RNF207: variants seen among roughly 807,000 people sequenced by gnomAD.
The protein encoded by RNF207 is ring finger protein 207.
A neutral mutation model predicts 79.0 loss-of-function variants in RNF207; 72 were observed. The observed-to-expected ratio is 0.91, with a 90% CI of 0.75 to 1.11. The LOEUF (loss-of-function observed/expected upper bound fraction) is 1.11. Among genes scored for constraint, RNF207 ranks in the 50% least tolerant of loss-of-function variants. RNF207 has a pLI of 0.00. For missense variants in RNF207, 936 were observed against 855.8 expected (o/e 1.09, Z -1.17); for synonymous variants, 348 against 366.2 (o/e 0.95, Z 0.57).
chr1:6,219,167 G>C (rs1668462113), intron 17 of RNF207, 69 bp from the exon 18 acceptor site: 1 of 1,436,074 alleles, frequency 7.0e-7, no homozygotes. Context: ...TTTGGCCCAA[G>C]TGGATTTTAG....
chr1:6,209,469 T>C lies in RNF207; in HGVS notation c.683T>C (p.Met228Thr). The part of the protein sequence containing the change: ...TREAIALLQA[M>T]VEEVRHSAAE... ...GAGGCCATCGCGCTGCTGCAGGCCA[T>C]GGTGGAGGAGGTGCGGCACAGCGCC... is the stretch of plus-strand genomic sequence containing the variant. The change falls in exon 7 of 18, where the codon ATG becomes ACG. Residue 228 changes from methionine (M) to threonine (T), a missense_variant. Transcript: ENST00000377939. 1 of 1,505,944 alleles carries C rather than the reference T, an allele frequency of 6.6e-7. No homozygotes were observed. The highest frequency in any genetic ancestry group is 8.8e-7 in the Non-Finnish European group (1 of 1,133,606). 93.3% of individuals were successfully genotyped at this position (1,505,944 alleles called of 1,614,324 possible). A position where few individuals can be genotyped will look rare whatever the true frequency, so the allele number is the denominator to read the frequency against.
Position 6,219,398 on chromosome 1 carries a change from C to A in RNF207, c.1896C>A (p.His632Gln). ...NGGDVPTWRE[H>Q]PT is the part of the protein sequence containing the mutation. The stretch of plus-strand genomic sequence containing the variant: ...GCGATGTCCCCACATGGAGGGAACA[C>A]CCGACTTAGCAAATGGGACCGGTCC... The change falls in exon 18 of 18, where the codon CAC becomes CAA. Residue 632 changes from histidine to glutamine, a missense_variant. His to Gln is a conservative substitution (Grantham distance 24). Transcript: ENST00000377939. 2 of 1,602,552 alleles carry A rather than the reference C, an allele frequency of 1.2e-6. No individual in the cohort carries two copies. The highest frequency in any genetic ancestry group is 4.5e-5 in the East Asian group (2 of 44,736).
chr1:6,209,164 G>A lies in RNF207; in HGVS notation c.519G>A (p.Leu173=), dbSNP rs372482893. The A allele has an allele frequency of 1.1e-3, 1,722 of 1,557,504 alleles. 1 individual carries two copies. Among genetic ancestry groups the A allele is most frequent in the Non-Finnish European group, 1.3e-3 (1,533 of 1,150,138 alleles). The change falls in exon 5 of 18, where the codon CTG becomes CTA. Residue 173 remains leucine, a synonymous_variant. Coordinates refer to ENST00000377939, the MANE Select transcript of RNF207 (RefSeq NM_207396.3). ...YLLFSTDKKL[L]LCIRCFRDMQ... ...TGTTCTCCACCGACAAGAAGTTGCTGTTGTGCATCCGCTGCTTCCGCGACA... is the reference window on the plus strand; with the variant it reads ...TGTTCTCCACCGACAAGAAGTTGCTATTGTGCATCCGCTGCTTCCGCGACA...
chr1:6,213,583 G>A (rs1244293379), intron 16 of RNF207, among the ~76,000 whole-genome samples: 1 of 152,118 alleles, frequency 6.6e-6, no homozygotes, highest in African/African-American at 2.4e-5. Flanking sequence ...GGGCGGACAA[G>A]GTGCCGGACA....
Position 6,206,462 on chromosome 1 carries a change from C to T in RNF207, c.1-74C>T, listed in dbSNP as rs61760805. 1,885 of 1,207,512 alleles carry T rather than the reference C, an allele frequency of 1.6e-3. 4 individuals are homozygous for T. Among genetic ancestry groups the T allele is most frequent in the Non-Finnish European group, 1.9e-3 (1,704 of 888,096 alleles). The allele number at this position is 1,207,512 out of a possible 1,614,324, so 74.8% of individuals were successfully genotyped here. On this transcript the variant is annotated intron_variant, in intron 1 of 17. Transcript: ENST00000377939. ...GCGCGATAGGGAGGGCGCGGGCGCC[C>T]GGGCAGAGGGGCCGCGGGAGCTCAA... is the stretch of plus-strand genomic sequence containing the variant.
chr1:6,219,058 T>C (rs2092412), intron 17 of RNF207, among the ~76,000 whole-genome samples, 178 bp from the exon 18 acceptor site: 17,108 of 152,134 alleles, frequency 0.11, 2,203 homozygotes, highest in African/African-American at 0.32. Flanking sequence ...CCCCTGGGGA[T>C]GGGCTCCTAC....
chr1:6,211,054 T>C lies in RNF207; in HGVS notation c.1045T>C (p.Cys349Arg). 1 of 1,605,076 alleles carries C rather than the reference T, an allele frequency of 6.2e-7. No homozygotes were observed. The highest frequency in any genetic ancestry group is 1.1e-5 in the South Asian group (1 of 90,570). ...ASDHRAEFARCLEPLLLLGPR... is the reference protein window; with the variant it reads ...ASDHRAEFARRLEPLLLLGPR... ...TGACCACCGAGCTGAATTCGCGCGC[T>C]GTCTGGAGCCACTGCTGCTGCTGGG... Residue 349 changes from cysteine (C) to arginine (R), a missense_variant, in exon 12 of 18, where the codon TGT becomes CGT. Coordinates refer to ENST00000377939, the MANE Select transcript of RNF207 (RefSeq NM_207396.3). The surrounding 1 kb of genome is among the most constrained non-coding windows in gnomAD (Gnocchi z 4.2).
In RNF207 at chr1:6,212,368, C is replaced by T. The variant is rs772383759; in HGVS notation, c.1434C>T (p.Ile478=). 8.1e-6 allele frequency: 13 copies of T among 1,613,514 alleles called. No homozygotes were observed. The highest frequency in any genetic ancestry group is 1.6e-4 in the Middle Eastern group (1 of 6,078). The change falls in exon 14 of 18, where the codon ATC becomes ATT. Residue 478 remains isoleucine (I), a synonymous_variant. Transcript: ENST00000377939. ...LHKSLQLDVQ[I]ASEHASLEGM... ...AGTCCCTGCAACTGGACGTGCAGAT[C>T]GCCTCGGAGCACGCCTCCTTAGAGG...
intron 3 of RNF207, 95 bp from the exon 4 acceptor site, chr1:6,208,786 C>T (rs966405503): frequency 5.3e-6 from 7 of 1,332,320 alleles, no homozygotes; most frequent in Non-Finnish European, 7.0e-6. Context: ...CCGGCCACGG[C>T]TGGGACAAAC....
chr1:6,206,773 G>A, intron 2 of RNF207, 47 bp downstream of exon 2: 2 of 1,541,202 alleles, frequency 1.3e-6, no homozygotes, highest in Non-Finnish European at 1.8e-6. Flanking sequence ...CCATCCCCCG[G>A]GCCCAAGGTT....
intron 10 of RNF207, chr1:6,210,650 C>T: frequency 1.6e-6 from 1 of 632,406 alleles, no homozygotes; most frequent in African/African-American, 1.8e-5. Flanking sequence ...GCCTACAGTC[C>T]CCCGTGGGGC....
chr1:6,206,159 C>T lies in RNF207; in HGVS notation c.-144C>T. 1 of 208,410 alleles carries T rather than the reference C, an allele frequency of 4.8e-6. No individual in the cohort carries two copies. The highest frequency in any genetic ancestry group is 9.5e-6 in the Non-Finnish European group (1 of 105,522). The allele number at this position is 208,410 out of a possible 1,614,324, so 12.9% of individuals were successfully genotyped here. A position where few individuals can be genotyped will look rare whatever the true frequency, so the allele number is the denominator to read the frequency against. Reference sequence around the variant, plus strand: ...GCAGAGTGGGAACCATCGCCCGGTGCGGGCCTGAACTTCCAGGGCCGGCTA... The same window carrying T: ...GCAGAGTGGGAACCATCGCCCGGTGTGGGCCTGAACTTCCAGGGCCGGCTA... On this transcript the variant is annotated 5_prime_UTR_variant, in exon 1 of 18. Transcript: ENST00000377939.
Position 6,209,203 on chromosome 1 carries a change from AC to A in RNF207, c.551+8del. The A allele has an allele frequency of 6.4e-7, 1 of 1,552,324 alleles. No individual in the cohort carries two copies. On this transcript the variant is annotated splice_region_variant and intron_variant, in intron 5 of 17. Coordinates refer to ENST00000377939, the MANE Select transcript of RNF207 (RefSeq NM_207396.3). ...GCTTCCGCGACATGCAGAAGTGCGT[AC>A]AGGGGACGCGAGGGGAGGGGGCTGG... is the stretch of plus-strand genomic sequence containing the variant.
intron 3 of RNF207, chr1:6,208,082 A>G (rs180888346): frequency 1.6e-5 from 4 of 242,500 alleles, no homozygotes; most frequent in African/African-American, 8.8e-5. Context: ...GACTGCAGGT[A>G]GGGCCTGTTA....
intron 16 of RNF207, among the ~76,000 whole-genome samples, chr1:6,214,102 C>G (rs1668276573): frequency 6.6e-6 from 1 of 152,220 alleles, no homozygotes; most frequent in South Asian, 2.1e-4. Flanking sequence ...GACAGTTTCA[C>G]TGGGTATCAA....
At chr1:6,213,273 C>G (rs1668246973) in intron 16 of RNF207, 90 bp downstream of exon 16, 1 of 797,118 alleles carries the variant, frequency 1.3e-6, no homozygotes, top group South Asian at 1.6e-5. Flanking sequence ...GTAATCCTAA[C>G]ACTTCGGGAG....
At chr1:6,215,432 G>A (rs915135356) in intron 16 of RNF207, among the ~76,000 whole-genome samples, 1 of 150,432 alleles carries the variant, frequency 6.6e-6, no homozygotes, top group Admixed American at 6.7e-5. Context: ...CTCCCAAAAT[G>A]CTGGGATTAC....
At chr1:6,218,394 A>C in intron 17 of RNF207, 25 bp downstream of exon 17, 2 of 1,552,278 alleles carry the variant, frequency 1.3e-6, no homozygotes, top group Non-Finnish European at 1.8e-6. Context: ...TCCACTGGAG[A>C]GTGTGCACGC....
intron 16 of RNF207, among the ~76,000 whole-genome samples, chr1:6,216,647 G>A (rs1470043718): frequency 6.8e-6 from 1 of 147,794 alleles, no homozygotes; most frequent in African/African-American, 2.5e-5. Flanking sequence ...TGCAACCTCC[G>A]CCTCCCGGGT....
Sources: allele counts gnomAD v4.1 joint callset (sites outside exome capture counted in the v4.1 genomes callset), GRCh38; gene constraint gnomAD v4.1.1; non-coding constraint Gnocchi (gnomAD v3.1); transcripts MANE v1.5; gene names NCBI Gene and HGNC (gene_info 2026-07-23, HGNC 2026-07-21).